The following EPN2 variants were observed in gnomAD, a reference collection of about 807,000 sequenced individuals.
The protein encoded by EPN2 is epsin-2.
In EPN2, 34 loss-of-function variants were observed where a neutral mutation model predicts 61.7. The observed-to-expected ratio is 0.55, with a 90% CI of 0.42 to 0.73. The LOEUF (loss-of-function observed/expected upper bound fraction) is 0.73. Among genes scored for constraint, EPN2 ranks in the 30% least tolerant of loss-of-function variants. The probability of loss-of-function intolerance (pLI) is 0.00; values close to 1 mark genes in which losing one functional copy is unlikely to be tolerated. For missense variants in EPN2, 714 were observed against 839.2 expected (o/e 0.85, Z 1.84); for synonymous variants, 349 against 353.6 (o/e 0.99, Z 0.15).
chr17:19,239,085 C>T (rs2044850574), intron 1 of EPN2, among the ~76,000 whole-genome samples: 1 of 152,196 alleles, frequency 6.6e-6, no homozygotes, highest in African/African-American at 2.4e-5. Flanking sequence ...CTGAATGGTA[C>T]TTGTTCGGTG....
intron 4 of EPN2, among the ~76,000 whole-genome samples, chr17:19,295,366 A>ACACGCGCGCGCGCGCG (rs147719775): frequency 7.1e-6 from 1 of 140,318 alleles, no homozygotes; most frequent in Non-Finnish European, 1.5e-5. Context: ...ACACACACAC[A>ACACGCGCGCGCGCGCG]CGCGCGTGCG....
At chr17:19,286,845 A>G (rs2045409673) in intron 4 of EPN2, among the ~76,000 whole-genome samples, 1 of 152,340 alleles carries the variant, frequency 6.6e-6, no homozygotes, top group South Asian at 2.1e-4. Flanking sequence ...CCAGCTCTGC[A>G]CTGTAAAGAA....
At chr17:19,264,259 A>G (rs1597979691) in intron 1 of EPN2, among the ~76,000 whole-genome samples, 1 of 152,222 alleles carries the variant, frequency 6.6e-6, no homozygotes, top group South Asian at 2.1e-4. Context: ...TAAAAATTAT[A>G]TGGTTTGCGA....
intron 7 of EPN2, among the ~76,000 whole-genome samples, chr17:19,324,561 G>A (rs1255722938): frequency 2.6e-5 from 4 of 152,128 alleles, no homozygotes; most frequent in East Asian, 1.9e-4. Context: ...TCAAGCTCCC[G>A]ACCTCAGGTG....
At chr17:19,331,371 G>A (rs1305644056) in intron 9 of EPN2, among the ~76,000 whole-genome samples, 6 of 152,282 alleles carry the variant, frequency 3.9e-5, no homozygotes, top group African/African-American at 9.6e-5. Flanking sequence ...GAAGCATCCC[G>A]TCGTGGCAAT....
intron 1 of EPN2, among the ~76,000 whole-genome samples, chr17:19,261,354 TG>T (rs1657306436): frequency 6.6e-6 from 1 of 152,236 alleles, no homozygotes; most frequent in Admixed American, 6.5e-5. Flanking sequence ...GAGCTGATCA[TG>T]TTGTCATATG....
At chr17:19,297,975 A>G (rs1051377495) in intron 4 of EPN2, among the ~76,000 whole-genome samples, 1 of 152,108 alleles carries the variant, frequency 6.6e-6, no homozygotes, top group African/African-American at 2.4e-5. Context: ...TCCTGGGTTC[A>G]AGCGATTCTT....
chr17:19,320,152 AT>A (rs764561970), intron 7 of EPN2, among the ~76,000 whole-genome samples: 1 of 152,170 alleles, frequency 6.6e-6, no homozygotes, highest in Non-Finnish European at 1.5e-5. Context: ...GCAAACTCTT[AT>A]GTATTTTTGA....
At chr17:19,284,363 A>G (rs1450762500) in intron 3 of EPN2, among the ~76,000 whole-genome samples, 1 of 152,218 alleles carries the variant, frequency 6.6e-6, no homozygotes, top group Non-Finnish European at 1.5e-5. Flanking sequence ...TTCAGGGAAC[A>G]GAGTGGAGTT....
intron 1 of EPN2, among the ~76,000 whole-genome samples, chr17:19,258,648 C>T (rs938280470): frequency 6.6e-6 from 1 of 152,192 alleles, no homozygotes. Flanking sequence ...GTGATTTAAC[C>T]TAGAGAGCTA....
At chr17:19,281,630 GT>G (rs545116647) in intron 1 of EPN2, among the ~76,000 whole-genome samples, 130 of 152,248 alleles carry the variant, frequency 8.5e-4, no homozygotes, top group African/African-American at 3.0e-3. Context: ...GGAGGCGCAG[GT>G]TCTGGGCCTG....
At chr17:19,324,552 C>G (rs929690538) in intron 7 of EPN2, among the ~76,000 whole-genome samples, 1 of 152,124 alleles carries the variant, frequency 6.6e-6, no homozygotes, top group Admixed American at 6.6e-5. Context: ...AGGCTGGTCT[C>G]AAGCTCCCGA....
rs771830294 is a variant in EPN2 at position 19,313,153 on chromosome 17, C to T, written c.1021C>T (p.Leu341Phe). ...TACGCTGTTGGATTTAATGGATGCT[C>T]TCCCCAGCTCGGGCCCCGCGGCCCA... ...QTTLLDLMDA[L>F]PSSGPAAQKA... Residue 341 changes from leucine (L) to phenylalanine (F), a missense_variant, in exon 7 of 11, where the codon CTC becomes TTC. By Grantham distance (22) the Leu-to-Phe change is conservative (BLOSUM62 0). Transcript: ENST00000314728. 1 of 1,613,874 alleles carries T rather than the reference C, an allele frequency of 6.2e-7. No individual in the cohort carries two copies. Among genetic ancestry groups the T allele is most frequent in the Non-Finnish European group, 8.5e-7 (1 of 1,179,860 alleles).
At chr17:19,259,168 A>G (rs1232449234) in intron 1 of EPN2, among the ~76,000 whole-genome samples, 1 of 152,180 alleles carries the variant, frequency 6.6e-6, no homozygotes, top group African/African-American at 2.4e-5. Context: ...ACCGCCCTAT[A>G]AGGCTTATGG....
chr17:19,283,382 G>C lies in EPN2; in HGVS notation c.263G>C (p.Gly88Ala). ...CTGCTGGACTACCTCATCAAGACAG[G>C]CTCCGAACGTGTGGCCCAGCAGTGC... ...LTLLDYLIKTGSERVAQQCRE... is the reference protein window; with the variant it reads ...LTLLDYLIKTASERVAQQCRE... The change falls in exon 3 of 11, where the codon GGC (glycine) becomes GCC (alanine). Residue 88 changes from glycine to alanine, a missense_variant. Physicochemically the swap from Gly to Ala is moderately conservative, Grantham distance 60 (BLOSUM62 0). Coordinates refer to ENST00000314728, the MANE Select transcript of EPN2 (RefSeq NM_014964.5). This position sits in a 1 kb window ranked among gnomAD's most constrained non-coding sequence, Gnocchi z 7.0. 1 of 1,614,192 alleles carries C rather than the reference G, an allele frequency of 6.2e-7. No individual in the cohort carries two copies. The highest frequency in any genetic ancestry group is 8.5e-7 in the Non-Finnish European group (1 of 1,180,030).
At chr17:19,259,581 G>C (rs914403953) in intron 1 of EPN2, among the ~76,000 whole-genome samples, 3 of 152,116 alleles carry the variant, frequency 2.0e-5, no homozygotes, top group Non-Finnish European at 4.4e-5. Context: ...CAAAGTGCTG[G>C]GTTTACAGGC....
chr17:19,313,242 G>A lies in EPN2; in HGVS notation c.1110G>A (p.Ala370=), dbSNP rs527260188. ...TNQTNPWGGP[A]APASTSDPWP... Reference sequence around the variant, plus strand: ...AGACCAACCCCTGGGGCGGGCCAGCGGCTCCTGCGAGTACTTCAGACCCCT... The same window carrying A: ...AGACCAACCCCTGGGGCGGGCCAGCAGCTCCTGCGAGTACTTCAGACCCCT... The change falls in exon 7 of 11, where the codon GCG becomes GCA. Residue 370 remains alanine, a synonymous_variant. Transcript: ENST00000314728. The A allele has an allele frequency of 1.2e-5, 19 of 1,586,568 alleles. No individual in the cohort carries two copies. The South Asian group carries it at 1.5e-4, about 12-fold the overall frequency.
intron 7 of EPN2, among the ~76,000 whole-genome samples, chr17:19,326,166 A>G (rs1410763774): frequency 1.3e-5 from 2 of 152,212 alleles, no homozygotes; most frequent in East Asian, 1.9e-4. Context: ...AAAACTCACT[A>G]TTGTAATGAT....
intron 7 of EPN2, among the ~76,000 whole-genome samples, chr17:19,324,344 A>G (rs1906769554): frequency 6.6e-6 from 1 of 151,324 alleles, no homozygotes; most frequent in Non-Finnish European, 1.5e-5. Context: ...CAAATTAAAT[A>G]TATATTTAGA....
Sources: gnomAD v4.1 joint callset for allele counts (sites outside exome capture counted in the v4.1 genomes callset) on GRCh38, gnomAD v4.1.1 for gene constraint, Gnocchi (gnomAD v3.1) non-coding constraint, MANE v1.5 for transcripts, NCBI Gene and HGNC (gene_info 2026-07-23, HGNC 2026-07-21) for gene names.